BACE2: variants seen among roughly 807,000 people sequenced by gnomAD.
The protein encoded by BACE2 is 56 kDa aspartic-like protease.
In BACE2, 17 loss-of-function variants were observed where a neutral mutation model predicts 46.2. That is an observed-to-expected ratio of 0.37 (90% confidence interval 0.25 to 0.55). The LOEUF (loss-of-function observed/expected upper bound fraction) is 0.55, where lower values mean the gene tolerates loss of function less well. Among genes scored for constraint, BACE2 ranks in the 20% least tolerant of loss-of-function variants. The probability of loss-of-function intolerance (pLI) is 0.82; values close to 1 mark genes in which losing one functional copy is unlikely to be tolerated. For synonymous variants in BACE2, 277 were observed against 295.9 expected, an observed-to-expected ratio of 0.94 and a Z score of 0.66; for missense variants, 595 against 698.1, an observed-to-expected ratio of 0.85 and a Z score of 1.66.
At chr21:41,250,729 T>C (rs1233167164) in intron 6 of BACE2, 23 bp from the exon 7 acceptor site, 1 of 1,613,422 alleles carries the variant, frequency 6.2e-7, no homozygotes, top group Admixed American at 1.7e-5. Flanking sequence ...TCATGGTTTC[T>C]GATGTGATCT....
chr21:41,245,931 A>C, intron 5 of BACE2, 31 bp from the exon 6 acceptor site: 1 of 1,555,790 alleles, frequency 6.4e-7, no homozygotes, highest in Non-Finnish European at 8.8e-7. Flanking sequence ...ACTGTCACTC[A>C]CGCACCTTTC....
At position 41,173,133 on chromosome 21, in the gene BACE2, G is replaced by A. The variant is rs147700421; in HGVS notation, c.312+4558G>A. On this transcript the variant is annotated intron_variant, in intron 1 of 8. Transcript: ENST00000330333. Reference sequence around the variant, plus strand: ...GAATAAGGTTAAGTTCACAGGTACCGGAGTTACGTCTTCAGCATATCTTTT... The same window carrying A: ...GAATAAGGTTAAGTTCACAGGTACCAGAGTTACGTCTTCAGCATATCTTTT... Among the ~76,000 whole-genome samples, 699 of 152,320 alleles carry A rather than the reference G, an allele frequency of 4.6e-3. 3 individuals carry two copies. Among genetic ancestry groups the A allele is most frequent in the African/African-American group, 0.015 (616 of 41,576 alleles).
chr21:41,193,629 C>G lies in BACE2; in HGVS notation c.312+25054C>G, dbSNP rs1985647578. On this transcript the variant is annotated intron_variant, in intron 1 of 8. Coordinates refer to ENST00000330333, the MANE Select transcript of BACE2 (RefSeq NM_012105.5). This position sits in a 1 kb window ranked among gnomAD's most constrained non-coding sequence, Gnocchi z 4.2. ...TTTGGCCTTTCTCACCATAATAGTC[C>G]ACACCCTACCAGTCAGGGAGCCAGT... Among the ~76,000 whole-genome samples the G allele has an allele frequency of 6.6e-6, 1 of 152,188 alleles. No individual in the cohort carries two copies. The highest frequency in any genetic ancestry group is 1.5e-5 in the Non-Finnish European group (1 of 68,034).
rs557905612 is a variant in BACE2 at position 41,262,511 on chromosome 21, G to C, written c.1303+5185G>C. ...CTTATTCTTCCTCAGAGTTCTCTTG[G>C]CTACTTTTGCCCTTTTATTCAACTT... is the stretch of plus-strand genomic sequence containing the variant. On this transcript the variant is annotated intron_variant, in intron 8 of 8. Transcript: ENST00000330333. 7.9e-5 allele frequency among the ~76,000 whole-genome samples: 12 copies of C among 152,060 alleles called. No homozygotes were observed. The East Asian group carries it at 1.9e-3, about 24-fold the overall frequency.
At chr21:41,264,297 C>A (rs1432378959) in intron 8 of BACE2, among the ~76,000 whole-genome samples, 1 of 150,188 alleles carries the variant, frequency 6.7e-6, no homozygotes, top group Non-Finnish European at 1.5e-5. Flanking sequence ...TCCAAATATA[C>A]CATAGCCGGG....
chr21:41,222,999 G>A (rs1223388299), intron 1 of BACE2, among the ~76,000 whole-genome samples: 1 of 152,200 alleles, frequency 6.6e-6, no homozygotes, highest in African/African-American at 2.4e-5. Flanking sequence ...GTGAGATGAT[G>A]TCCCATCTCA....
At chr21:41,169,658 A>G (rs190292020) in intron 1 of BACE2, among the ~76,000 whole-genome samples, 126 of 152,362 alleles carry the variant, frequency 8.3e-4, no homozygotes, top group Non-Finnish European at 1.1e-3. Context: ...TTCTCATTAA[A>G]TTATTCAAGA....
At chr21:41,242,011 T>C in intron 4 of BACE2, 64 bp downstream of exon 4, 1 of 1,600,484 alleles carries the variant, frequency 6.2e-7, no homozygotes, top group Non-Finnish European at 8.5e-7. Context: ...TTTTTCTGTT[T>C]TATTAAACAC....
rs73902997 is a variant in BACE2, at chr21:41,275,041, C to T, written c.1304-330C>T. Among the ~76,000 whole-genome samples, 464 of 152,326 alleles carry T rather than the reference C, an allele frequency of 3.0e-3. 3 individuals are homozygous for T. The highest frequency in any genetic ancestry group is 0.01 in the African/African-American group (422 of 41,562). On this transcript the variant is annotated intron_variant, in intron 8 of 8. Coordinates refer to ENST00000330333, the MANE Select transcript of BACE2 (RefSeq NM_012105.5). The stretch of plus-strand genomic sequence containing the variant: ...CACAGCTGTCATGACCAGGTGCTGA[C>T]CTGCACTCTCACCTGTGTAGTACCG...
chr21:41,238,278 G>A (rs1987183113), intron 3 of BACE2, among the ~76,000 whole-genome samples: 1 of 152,242 alleles, frequency 6.6e-6, no homozygotes, highest in African/African-American at 2.4e-5. Context: ...GAGCCCCAGA[G>A]GAATTGTGGA....
At chr21:41,226,477 T>C (rs1986822241) in intron 2 of BACE2, 123 bp downstream of exon 2, 1 of 784,640 alleles carries the variant, frequency 1.3e-6, no homozygotes, top group South Asian at 1.7e-5. Flanking sequence ...CCAATATGTA[T>C]GTGTATGTAT....
chr21:41,233,799 A>T (rs970832676), intron 2 of BACE2, among the ~76,000 whole-genome samples: 22 of 152,056 alleles, frequency 1.4e-4, no homozygotes, highest in Non-Finnish European at 5.9e-5. Context: ...CATCTCTACT[A>T]AAAATACAAA....
rs1027137736 is a variant in BACE2 at position 41,190,182 on chromosome 21, G to A, written c.312+21607G>A. Among the ~76,000 whole-genome samples the A allele has an allele frequency of 2.6e-5, 4 of 152,098 alleles. No individual in the cohort carries two copies. The South Asian group carries it at 8.3e-4, about 32-fold the overall frequency. The stretch of plus-strand genomic sequence containing the variant: ...TTCAATCCAATCAAGTTGACACTCA[G>A]TATGAACCATCACAAGTCCACCCCT... On this transcript the variant is annotated intron_variant, in intron 1 of 8. Transcript: ENST00000330333.
intron 1 of BACE2, among the ~76,000 whole-genome samples, chr21:41,200,404 A>C (rs1985924026): frequency 6.6e-6 from 1 of 152,206 alleles, no homozygotes; most frequent in African/African-American, 2.4e-5. Flanking sequence ...GTAGAAACTT[A>C]GAAGCCAAGC....
chr21:41,175,548 C>A, intron 1 of BACE2: 1 of 151,932 alleles, frequency 6.6e-6, no homozygotes, highest in Non-Finnish European at 1.5e-5. Flanking sequence ...AGGCAGGAGA[C>A]TGGTGCAGTG....
At chr21:41,226,183 T>C in intron 1 of BACE2, 83 bp from the exon 2 acceptor site, 2 of 1,079,430 alleles carry the variant, frequency 1.9e-6, no homozygotes, top group Non-Finnish European at 2.8e-6. Context: ...TGCTACTTAG[T>C]TTTAAAAACA....
chr21:41,247,332 G>A (rs1022829801), intron 6 of BACE2, among the ~76,000 whole-genome samples: 11 of 152,194 alleles, frequency 7.2e-5, no homozygotes, highest in Non-Finnish European at 1.3e-4. Flanking sequence ...TCTCAAGGCG[G>A]CCAGCCACTG....
chr21:41,180,478 T>C (rs550024121), intron 1 of BACE2: 94 of 167,582 alleles, frequency 5.6e-4, no homozygotes, highest in African/African-American at 2.0e-3. Context: ...ATACCTGATC[T>C]AAGGAGCCCA....
Position 41,267,066 on chromosome 21 carries a change from T to A in BACE2, c.1304-8305T>A, listed in dbSNP as rs186355317. Among the ~76,000 whole-genome samples the A allele has an allele frequency of 1.1e-4, 16 of 152,084 alleles. No individual in the cohort carries two copies. In the East Asian group the frequency reaches 3.1e-3, roughly 29 times the overall value. On this transcript the variant is annotated intron_variant, in intron 8 of 8. Coordinates refer to ENST00000330333, the MANE Select transcript of BACE2 (RefSeq NM_012105.5). ...GTGAGTGGGAGCTCCTTGATTAGAA[T>A]CTCCTGGGACACTTTTTCAAAATAC...
Sources: gnomAD v4.1 joint callset for allele counts (sites outside exome capture counted in the v4.1 genomes callset) on GRCh38, gnomAD v4.1.1 for gene constraint, Gnocchi (gnomAD v3.1) non-coding constraint, MANE v1.5 for transcripts, NCBI Gene and HGNC (gene_info 2026-07-23, HGNC 2026-07-21) for gene names.